Variants in EPHA6 observed in about 807,000 individuals in gnomAD.
EPHA6 encodes the protein ephrin type-A receptor 6.
EPHA6 carries 50 observed loss-of-function variants against 112.0 expected under a neutral mutation model. The ratio of observed to expected loss-of-function variants is 0.45; its 90% CI spans 0.36 to 0.56. EPHA6 has a LOEUF of 0.56. EPHA6 is among the 20% of genes least tolerant of loss of function. The pLI is 0.00. For missense variants in EPHA6, 1,280 were observed against 1,417.4 expected, an observed-to-expected ratio of 0.90 and a Z score of 1.56; for synonymous variants, 529 against 490.7, an observed-to-expected ratio of 1.08 and a Z score of -1.03.
At chr3:97,065,492 C>T (rs890307739) in intron 3 of EPHA6, among the ~76,000 whole-genome samples, 1 of 152,044 alleles carries the variant, frequency 6.6e-6, no homozygotes. Flanking sequence ...GTGTGTAGAA[C>T]TCAAGGGGTT....
chr3:97,522,451 A>G (rs1161479017), intron 10 of EPHA6, among the ~76,000 whole-genome samples: 1 of 152,054 alleles, frequency 6.6e-6, no homozygotes, highest in Non-Finnish European at 1.5e-5. Flanking sequence ...CTGATTTGCT[A>G]GTATTTTGTT....
intron 2 of EPHA6, among the ~76,000 whole-genome samples, chr3:96,937,023 G>C (rs1400897272): frequency 6.6e-6 from 1 of 152,112 alleles, no homozygotes; most frequent in Non-Finnish European, 1.5e-5. Flanking sequence ...TGGATATTTG[G>C]CTTGGTTCCA....
chr3:97,463,346 T>C (rs1046459542), intron 7 of EPHA6, among the ~76,000 whole-genome samples: 3 of 152,178 alleles, frequency 2.0e-5, no homozygotes, highest in Admixed American at 6.5e-5. Flanking sequence ...AGAGGAATAG[T>C]GATTTTTTAT....
intron 3 of EPHA6, among the ~76,000 whole-genome samples, chr3:97,090,237 AT>A (rs1271718807): frequency 6.6e-6 from 1 of 152,062 alleles, no homozygotes; most frequent in Non-Finnish European, 1.5e-5. Context: ...ACTAATTTTT[AT>A]CTTTTTTATT....
intron 10 of EPHA6, among the ~76,000 whole-genome samples, chr3:97,505,211 T>A (rs2107569515): frequency 6.6e-6 from 1 of 152,288 alleles, no homozygotes; most frequent in East Asian, 1.9e-4. Flanking sequence ...TTATTATACT[T>A]TAAGTTCTGG....
Position 97,311,894 on chromosome 3 carries a change from A to G in EPHA6, c.1606+67607A>G, listed in dbSNP as rs182709336. On this transcript the variant is annotated intron_variant, in intron 5 of 17. Transcript: ENST00000389672. ...ACCCACTAGAATTTTGAATGAGAAT[A>G]CACCGGATTTATAACTCAATTTAGG... 2.0e-5 allele frequency among the ~76,000 whole-genome samples: 3 copies of G among 151,628 alleles called. No individual in the cohort carries two copies. In the East Asian group the frequency reaches 5.8e-4, roughly 29 times the overall value.
At chr3:96,898,429 C>T (rs190733081) in intron 2 of EPHA6, among the ~76,000 whole-genome samples, 1 of 152,262 alleles carries the variant, frequency 6.6e-6, no homozygotes, top group Non-Finnish European at 1.5e-5. Context: ...GCAATACCTT[C>T]CTGCCCCGAT....
At chr3:97,376,667 G>A (rs2085379077) in intron 5 of EPHA6, among the ~76,000 whole-genome samples, 1 of 152,158 alleles carries the variant, frequency 6.6e-6, no homozygotes, top group South Asian at 2.1e-4. Flanking sequence ...CTGCACTGGT[G>A]GGTGCTGCTT....
At chr3:97,309,189 T>C (rs554580403) in intron 5 of EPHA6, among the ~76,000 whole-genome samples, 1 of 151,774 alleles carries the variant, frequency 6.6e-6, no homozygotes, top group Middle Eastern at 3.4e-3. Flanking sequence ...TTAATATTAT[T>C]TCTAACACAG....
chr3:97,157,798 TGATTA>T (rs2108391512), intron 3 of EPHA6, among the ~76,000 whole-genome samples: 1 of 152,274 alleles, frequency 6.6e-6, no homozygotes, highest in Admixed American at 6.5e-5. Context: ...GATCTTCAAT[TGATTA>T]GATCACCGCA....
intron 6 of EPHA6, among the ~76,000 whole-genome samples, chr3:97,430,330 A>G (rs759698454): frequency 2.9e-4 from 44 of 152,132 alleles, no homozygotes; most frequent in Non-Finnish European, 6.0e-4. Flanking sequence ...ATACAATGAC[A>G]GTTTCTGATT....
chr3:96,851,488 A>G (rs948717828), intron 1 of EPHA6, among the ~76,000 whole-genome samples: 1 of 152,172 alleles, frequency 6.6e-6, no homozygotes, highest in East Asian at 1.9e-4. Context: ...ATACTGTGCT[A>G]GGTTCTAGAA....
intron 6 of EPHA6, among the ~76,000 whole-genome samples, chr3:97,417,229 T>C (rs112461188): frequency 9.2e-5 from 14 of 152,284 alleles, no homozygotes; most frequent in African/African-American, 3.4e-4. Context: ...ACTGTACACC[T>C]TTCTCTGACC....
chr3:97,628,283 G>C (rs1576127016), intron 13 of EPHA6, among the ~76,000 whole-genome samples: 1 of 151,888 alleles, frequency 6.6e-6, no homozygotes, highest in South Asian at 2.1e-4. Context: ...ATTGGATAAA[G>C]TGCATAAAAG....
At chr3:96,930,275 A>C (rs2040243472) in intron 2 of EPHA6, among the ~76,000 whole-genome samples, 1 of 152,150 alleles carries the variant, frequency 6.6e-6, no homozygotes, top group Admixed American at 6.6e-5. Context: ...GAGGTGTTGC[A>C]GTCATTTGGA....
intron 5 of EPHA6, among the ~76,000 whole-genome samples, chr3:97,259,513 G>A (rs1323662882): frequency 6.6e-6 from 1 of 152,118 alleles, no homozygotes; most frequent in Non-Finnish European, 1.5e-5. Context: ...ACAATATAAT[G>A]TAAGCTCCAT....
chr3:97,230,290 A>G (rs1280656406), intron 4 of EPHA6, among the ~76,000 whole-genome samples: 1 of 152,198 alleles, frequency 6.6e-6, no homozygotes, highest in African/African-American at 2.4e-5. Context: ...GTTATTCAGC[A>G]TGACAAACTA....
At chr3:97,149,276 G>A (rs1009794649) in intron 3 of EPHA6, among the ~76,000 whole-genome samples, 19 of 152,222 alleles carry the variant, frequency 1.2e-4, no homozygotes, top group Admixed American at 3.3e-4. Context: ...GAAACTCTGA[G>A]GCTAAAAATT....
At chr3:97,160,047 G>T (rs948408178) in intron 3 of EPHA6, among the ~76,000 whole-genome samples, 1 of 152,088 alleles carries the variant, frequency 6.6e-6, no homozygotes, top group Non-Finnish European at 1.5e-5. Context: ...CAAAGGTGAC[G>T]ATAGCCAAGT....
Sources: allele counts gnomAD v4.1 joint callset (sites outside exome capture counted in the v4.1 genomes callset), GRCh38; gene constraint gnomAD v4.1.1; transcripts MANE v1.5; gene names NCBI Gene and HGNC (gene_info 2026-07-23, HGNC 2026-07-21).